Variants in RBFOX1 observed in about 807,000 individuals in gnomAD.
RBFOX1 encodes RNA binding protein fox-1 homolog 1.
Under a neutral mutation model 57.7 loss-of-function variants are expected in RBFOX1, and 8 were observed. The observed-to-expected ratio is 0.14, with a 90% CI of 0.08 to 0.25. The LOEUF is 0.25. Among genes scored for constraint, RBFOX1 ranks in the 10% least tolerant of loss-of-function variants. The pLI is 1.00. For synonymous variants in RBFOX1, 326 were observed against 222.4 expected, an observed-to-expected ratio of 1.47 and a Z score of -4.15; for missense variants, 611 against 548.5, an observed-to-expected ratio of 1.11 and a Z score of -1.14.
rs184880064 is a variant in RBFOX1, at chr16:6,405,411, A to G, written c.-64+88354A>G. ...TGTTGGGCATTGGGAAGTGCACCAA[A>G]TAGTGCCTCAGGGACTCAGGCTATG... On this transcript the variant is annotated intron_variant, in intron 2 of 15. Transcript: ENST00000550418. 1.2e-3 allele frequency among the ~76,000 whole-genome samples: 176 copies of G among 152,270 alleles called. 1 individual carries two copies. The highest frequency in any genetic ancestry group is 5.8e-3 in the Admixed American group (89 of 15,300).
chr16:6,288,204 T>C (rs2077088365), intron 1 of RBFOX1, among the ~76,000 whole-genome samples: 2 of 149,828 alleles, frequency 1.3e-5, no homozygotes, highest in African/African-American at 2.5e-5. Flanking sequence ...GAGAAAATGT[T>C]TGTGGTCAAC....
chr16:7,141,321 A>T lies in RBFOX1; in HGVS notation c.27+89223A>T, dbSNP rs532947751. ...ATTATTCACCCACGGAATACCAGACACAGTGCTTGGTTCTGGGAATCTAAT... is the reference window on the plus strand; with the variant it reads ...ATTATTCACCCACGGAATACCAGACTCAGTGCTTGGTTCTGGGAATCTAAT... On this transcript the variant is annotated intron_variant, in intron 4 of 15. Coordinates refer to ENST00000550418, the MANE Select transcript of RBFOX1 (RefSeq NM_018723.4). Among the ~76,000 whole-genome samples the T allele has an allele frequency of 2.0e-5, 3 of 152,270 alleles. No individual in the cohort carries two copies. In the East Asian group the frequency reaches 5.8e-4, roughly 29 times the overall value.
intron 4 of RBFOX1, among the ~76,000 whole-genome samples, chr16:6,004,811 A>ATC (rs1479631218): frequency 5.3e-5 from 8 of 152,164 alleles, no homozygotes; most frequent in Non-Finnish European, 1.0e-4. Context: ...AAATCATTCC[A>ATC]TCTGACATTT....
At chr16:5,966,533 C>T (rs13338589) in intron 4 of RBFOX1, among the ~76,000 whole-genome samples, 2 of 152,206 alleles carry the variant, frequency 1.3e-5, no homozygotes, top group Non-Finnish European at 1.5e-5. Context: ...TCTCGGCTCA[C>T]TGCAATCTCC....
At chr16:7,686,198 C>G (rs1273715408) in intron 14 of RBFOX1, among the ~76,000 whole-genome samples, 7 of 150,256 alleles carry the variant, frequency 4.7e-5, no homozygotes, top group African/African-American at 1.7e-4. Context: ...AAAAAAAAAA[C>G]AAGGAGTTTC....
chr16:5,333,077 A>G (rs2064801563), intron 1 of RBFOX1, among the ~76,000 whole-genome samples: 1 of 152,144 alleles, frequency 6.6e-6, no homozygotes, highest in African/African-American at 2.4e-5. Context: ...AGTCCCAGCT[A>G]CTCAGGAGAC....
chr16:7,410,968 CAG>C (rs1455569013), intron 4 of RBFOX1, among the ~76,000 whole-genome samples: 4 of 151,930 alleles, frequency 2.6e-5, no homozygotes, highest in Admixed American at 6.6e-5. Context: ...TTTTTCGAGA[CAG>C]AGTCTCACTC....
chr16:6,142,756 G>T (rs981404753), intron 1 of RBFOX1, among the ~76,000 whole-genome samples: 2 of 152,132 alleles, frequency 1.3e-5, no homozygotes, highest in Non-Finnish European at 2.9e-5. Context: ...CTCCTAAATT[G>T]TTCCATATTT....
rs34211877 is a variant in RBFOX1, at chr16:5,885,541, C to G, written c.351+18206C>G. On this transcript the variant is annotated intron_variant, in intron 4 of 19. Coordinates refer to the RBFOX1 transcript ENST00000641259. ...GGCCTTTTGCTGTTTTTCAGAATCT[C>G]CTTTCCTTCCTCAAAGTGATGGGTA... is the stretch of plus-strand genomic sequence containing the variant. 2.6e-5 allele frequency among the ~76,000 whole-genome samples: 4 copies of G among 152,102 alleles called. 1 individual carries two copies. Among genetic ancestry groups the G allele is most frequent in the Non-Finnish European group, 5.9e-5 (4 of 68,028 alleles).
At chr16:5,533,077 C>T (rs1316141512) in intron 2 of RBFOX1, among the ~76,000 whole-genome samples, 1 of 152,090 alleles carries the variant, frequency 6.6e-6, no homozygotes, top group South Asian at 2.1e-4. Flanking sequence ...CTTGTTTTGC[C>T]TCTGAAAGTG....
At chr16:5,663,065 A>T (rs2049710547) in intron 3 of RBFOX1, among the ~76,000 whole-genome samples, 1 of 152,172 alleles carries the variant, frequency 6.6e-6, no homozygotes. Flanking sequence ...CATCTGGGGC[A>T]GGGAGTGTGT....
At chr16:5,908,089 C>CATATATATATACACAT (rs1230094460) in intron 4 of RBFOX1, among the ~76,000 whole-genome samples, 54 of 138,134 alleles carry the variant, frequency 3.9e-4, no homozygotes, top group Non-Finnish European at 4.5e-4. Flanking sequence ...TATATATACA[C>CATATATATATACACAT]ATATATACAC....
intron 3 of RBFOX1, among the ~76,000 whole-genome samples, chr16:5,831,069 G>C (rs1300421513): frequency 6.6e-6 from 1 of 152,120 alleles, no homozygotes; most frequent in East Asian, 1.9e-4. Flanking sequence ...TTACCCACAG[G>C]GATACGAGCA....
intron 4 of RBFOX1, among the ~76,000 whole-genome samples, chr16:7,068,334 G>A (rs1011045628): frequency 1.3e-5 from 2 of 152,082 alleles, no homozygotes; most frequent in Admixed American, 6.5e-5. Context: ...CATTTGATTT[G>A]TGTTCTGGGA....
chr16:7,170,992 G>A (rs59299164), intron 4 of RBFOX1, among the ~76,000 whole-genome samples: 23,952 of 152,086 alleles, frequency 0.16, 2,567 homozygotes, highest in East Asian at 0.39. Context: ...ACACTCTCCC[G>A]TCTTGCTCCA....
intron 3 of RBFOX1, among the ~76,000 whole-genome samples, chr16:6,878,977 C>T (rs753401542): frequency 6.6e-6 from 1 of 152,026 alleles, no homozygotes; most frequent in Admixed American, 6.6e-5. Flanking sequence ...AATAAAATGA[C>T]TTGTATAAGG....
intron 2 of RBFOX1, among the ~76,000 whole-genome samples, chr16:6,526,513 A>G (rs776403081): frequency 9.9e-5 from 15 of 152,108 alleles, no homozygotes; most frequent in African/African-American, 3.6e-4. Flanking sequence ...TTTATACACA[A>G]TATCTCATTT....
At chr16:5,497,464 T>C (rs1297727396) in intron 2 of RBFOX1, among the ~76,000 whole-genome samples, 1 of 152,036 alleles carries the variant, frequency 6.6e-6, no homozygotes, top group Non-Finnish European at 1.5e-5. Flanking sequence ...AAAGAAGCAC[T>C]TTTAGCCAAG....
At chr16:5,564,371 A>G (rs969495275) in intron 2 of RBFOX1, among the ~76,000 whole-genome samples, 3 of 151,976 alleles carry the variant, frequency 2.0e-5, no homozygotes, top group African/African-American at 7.3e-5. Context: ...CTGCCATTTG[A>G]TGATGTTGTC....
Sources: allele counts gnomAD v4.1 joint callset (sites outside exome capture counted in the v4.1 genomes callset), GRCh38; gene constraint gnomAD v4.1.1; transcripts MANE v1.5; gene names NCBI Gene and HGNC (gene_info 2026-07-23, HGNC 2026-07-21).